Variants in ARHGAP6 observed in about 807,000 individuals in gnomAD.
ARHGAP6 encodes the protein Rho GTPase activating protein 6, also known as rho GTPase-activating protein 6.
Under a neutral mutation model 55.7 loss-of-function variants are expected in ARHGAP6, and 16 were observed. That is an observed-to-expected ratio of 0.29 (90% CI 0.19 to 0.44). ARHGAP6 has a LOEUF of 0.44. Ranked by LOEUF, ARHGAP6 falls within the 20% of genes least tolerant of loss-of-function variation. The pLI is 1.00. For synonymous variants in ARHGAP6, 382 were observed against 360.9 expected, an observed-to-expected ratio of 1.06 and a Z score of -0.66; for missense variants, 698 against 808.9, an observed-to-expected ratio of 0.86 and a Z score of 1.66.
chrX:11,213,265 C>T (rs1289507874), intron 2 of ARHGAP6, among the ~76,000 whole-genome samples: 3 of 112,666 alleles, frequency 2.7e-5, no homozygotes, highest in East Asian at 2.8e-4. Context: ...GCTTCCAACA[C>T]GCCCAGCTGC....
At chrX:11,270,378 C>A (rs998650491) in intron 1 of ARHGAP6, among the ~76,000 whole-genome samples, 2 of 111,628 alleles carry the variant, frequency 1.8e-5, no homozygotes, top group African/African-American at 3.3e-5. Flanking sequence ...GGGCTCAAAG[C>A]CCTGTGGAAT....
At chrX:11,362,356 G>T (rs779235426) in intron 1 of ARHGAP6, among the ~76,000 whole-genome samples, 15 of 110,514 alleles carry the variant, frequency 1.4e-4, no homozygotes, top group Admixed American at 1.9e-4. Flanking sequence ...TCCTTTGTAG[G>T]GACATGGATG....
At chrX:11,570,579 A>C (rs2051502164) in intron 1 of ARHGAP6, among the ~76,000 whole-genome samples, 1 of 110,522 alleles carries the variant, frequency 9.0e-6, no homozygotes, top group Non-Finnish European at 1.9e-5. Context: ...CACTATTATT[A>C]TCCCCCACTT....
intron 1 of ARHGAP6, among the ~76,000 whole-genome samples, chrX:11,581,151 T>C (rs897017705): frequency 1.8e-5 from 2 of 112,582 alleles, no homozygotes; most frequent in Admixed American, 1.9e-4. Flanking sequence ...AAAGAAGATG[T>C]ACAAATGGCC....
At chrX:11,544,712 A>G (rs891123198) in intron 1 of ARHGAP6, among the ~76,000 whole-genome samples, 2 of 111,992 alleles carry the variant, frequency 1.8e-5, no homozygotes, top group Non-Finnish European at 3.8e-5. Flanking sequence ...GGTCACTTGA[A>G]TCGTGTGATT....
chrX:11,174,590 CTT>C (rs754738919), intron 8 of ARHGAP6, among the ~76,000 whole-genome samples: 1,009 of 63,506 alleles, frequency 0.016, 33 homozygotes, highest in Middle Eastern at 0.039. Context: ...TTCTTTCTTT[CTT>C]TTTCTTTCTT....
At chrX:11,351,423 C>A in intron 1 of ARHGAP6, 1 of 969,404 alleles carries the variant, frequency 1.0e-6, no homozygotes, top group African/African-American at 2.0e-5. Flanking sequence ...CCCAAGTGAG[C>A]CAGGCCAGGA....
At chrX:11,519,988 G>T (rs1244050365) in intron 1 of ARHGAP6, among the ~76,000 whole-genome samples, 1 of 94,715 alleles carries the variant, frequency 1.1e-5, no homozygotes, top group Non-Finnish European at 2.1e-5. Context: ...TTGACAAATG[G>T]GATCTAATTA....
intron 1 of ARHGAP6, among the ~76,000 whole-genome samples, chrX:11,268,576 C>T (rs775495307): frequency 8.8e-4 from 98 of 111,654 alleles, no homozygotes; most frequent in Middle Eastern, 4.6e-3. Flanking sequence ...CCCAGCCTCT[C>T]TTGCAGTTAA....
intron 1 of ARHGAP6, among the ~76,000 whole-genome samples, chrX:11,484,488 AGAG>A (rs1312186795): frequency 1.9e-5 from 2 of 107,389 alleles, no homozygotes; most frequent in African/African-American, 6.8e-5. Context: ...AAATGAGAGC[AGAG>A]GAGAAGGAGG....
chrX:11,585,791 C>T lies in ARHGAP6; in HGVS notation c.588+78450G>A, dbSNP rs1287025115. Among the ~76,000 whole-genome samples the T allele has an allele frequency of 2.7e-5, 3 of 111,965 alleles. No individual in the cohort carries two copies. In the East Asian group the frequency reaches 8.4e-4, roughly 31 times the overall value. ...TTATAAAGAAAACAGGCTTAGTTGGCTCACATTTCCACAGGCTGTACAGGA... is the reference window on the plus strand; with the variant it reads ...TTATAAAGAAAACAGGCTTAGTTGGTTCACATTTCCACAGGCTGTACAGGA... On this transcript the variant is annotated intron_variant, in intron 1 of 12. Coordinates refer to ENST00000337414, the MANE Select transcript of ARHGAP6 (RefSeq NM_013427.3).
rs749564275 is a variant in ARHGAP6, at chrX:11,146,950, T to TTA, written c.1908-2704_1908-2703dup. On this transcript the variant is annotated intron_variant, in intron 10 of 12. Transcript: ENST00000337414. ...TTGCCTAAGAACCTATGTCCAAGAA[T>TTA]TATCTTCTCACATGAAAGCACACCG... Among the ~76,000 whole-genome samples, 8 of 111,592 alleles carry TTA rather than the reference T, an allele frequency of 7.2e-5. No homozygotes were observed. In the South Asian group the frequency reaches 1.9e-3, roughly 27 times the overall value.
At chrX:11,415,148 G>A (rs1391041846) in intron 1 of ARHGAP6, among the ~76,000 whole-genome samples, 2 of 111,581 alleles carry the variant, frequency 1.8e-5, no homozygotes, top group Non-Finnish European at 3.8e-5. Flanking sequence ...ATTTTTAATT[G>A]TCAATTAAAA....
chrX:11,215,301 C>A (rs2046864166), intron 2 of ARHGAP6, among the ~76,000 whole-genome samples: 1 of 112,933 alleles, frequency 8.9e-6, no homozygotes, highest in African/African-American at 3.2e-5. Flanking sequence ...ACAGCTCTTC[C>A]GGCCACACGG....
chrX:11,387,626 A>T (rs1219660271), intron 1 of ARHGAP6, among the ~76,000 whole-genome samples: 1 of 111,767 alleles, frequency 8.9e-6, no homozygotes, highest in Non-Finnish European at 1.9e-5. Flanking sequence ...ATATGTATAC[A>T]TGTGCCATGT....
chrX:11,328,801 C>T (rs1420061816), intron 1 of ARHGAP6, among the ~76,000 whole-genome samples: 3 of 111,901 alleles, frequency 2.7e-5, no homozygotes, highest in South Asian at 3.7e-4. Context: ...GAGATATCTT[C>T]GTCTCCCAAA....
intron 2 of ARHGAP6, among the ~76,000 whole-genome samples, chrX:11,206,521 G>A (rs2046706837): frequency 8.9e-6 from 1 of 111,968 alleles, no homozygotes; most frequent in African/African-American, 3.2e-5. Flanking sequence ...TGATTTAGAA[G>A]AGCACAAGCT....
At chrX:11,238,507 C>T (rs1025979485) in intron 2 of ARHGAP6, among the ~76,000 whole-genome samples, 2 of 111,994 alleles carry the variant, frequency 1.8e-5, no homozygotes, top group African/African-American at 6.5e-5. Context: ...GTGGTTCTTT[C>T]CTTTTATTTA....
intron 1 of ARHGAP6, among the ~76,000 whole-genome samples, chrX:11,502,976 A>G (rs1471880191): frequency 9.0e-6 from 1 of 110,560 alleles, no homozygotes; most frequent in Non-Finnish European, 1.9e-5. Context: ...ACTCACTGCA[A>G]CCTTCACCTC....
Sources: allele counts gnomAD v4.1 joint callset (sites outside exome capture counted in the v4.1 genomes callset), GRCh38; gene constraint gnomAD v4.1.1; transcripts MANE v1.5; gene names NCBI Gene and HGNC (gene_info 2026-07-23, HGNC 2026-07-21).